Variants in ATG4B observed in about 807,000 individuals in gnomAD.
The protein encoded by ATG4B is autophagy related 4B cysteine peptidase.
ATG4B carries 29 observed loss-of-function variants against 56.6 expected under a neutral mutation model. That is an observed-to-expected ratio of 0.51 (90% confidence interval 0.38 to 0.70). The LOEUF (loss-of-function observed/expected upper bound fraction) is 0.70. ATG4B is among the 30% of genes least tolerant of loss of function. The pLI is 0.00. For missense variants in ATG4B, 461 were observed against 515.5 expected, an observed-to-expected ratio of 0.89 and a Z score of 1.02; for synonymous variants, 224 against 206.1, an observed-to-expected ratio of 1.09 and a Z score of -0.74.
chr2:241,653,323 T>C (rs910320176), intron 3 of ATG4B, 189 bp from the exon 4 acceptor site: 4 of 1,549,082 alleles, frequency 2.6e-6, no homozygotes, highest in Non-Finnish European at 3.5e-6. Flanking sequence ...GTCGGGACAT[T>C]TCACTCTCCA....
intron 1 of ATG4B, among the ~76,000 whole-genome samples, chr2:241,640,650 C>T (rs1340782412): frequency 6.6e-6 from 1 of 152,108 alleles, no homozygotes. Context: ...GTGATTTGGG[C>T]CAAGGATGAG....
At chr2:241,656,328 TC>T (rs1179681555) in intron 6 of ATG4B, among the ~76,000 whole-genome samples, 1 of 152,006 alleles carries the variant, frequency 6.6e-6, no homozygotes, top group East Asian at 1.9e-4. Context: ...CCGTCCCACA[TC>T]CCCAGCCTGC....
Position 241,651,233 on chromosome 2 carries a change from G to A in ATG4B, c.113-31G>A. 16 of 1,574,016 alleles carry A rather than the reference G, an allele frequency of 1.0e-5. No homozygotes were observed. Among genetic ancestry groups the A allele is most frequent in the African/African-American group, 1.4e-5 (1 of 74,046 alleles). ...CTTGCAAACTTAAGGCGTTGTGTGT[G>A]TGTGTTTTTTTTCTTTTAAACAACC... is the stretch of plus-strand genomic sequence containing the variant. On this transcript the variant is annotated intron_variant, in intron 2 of 12. Transcript: ENST00000404914. This position sits in a 1 kb window ranked among gnomAD's most constrained non-coding sequence, Gnocchi z 4.1.
intron 1 of ATG4B, among the ~76,000 whole-genome samples, chr2:241,640,900 A>G (rs1158256090): frequency 6.6e-6 from 1 of 152,218 alleles, no homozygotes; most frequent in Non-Finnish European, 1.5e-5. Flanking sequence ...ACAGGATGGC[A>G]GCTCATAGTG....
At chr2:241,670,269 A>C (rs998234555) in intron 10 of ATG4B, among the ~76,000 whole-genome samples, 7 of 150,954 alleles carry the variant, frequency 4.6e-5, no homozygotes, top group Non-Finnish European at 1.0e-4. Flanking sequence ...CTGGCTCCTC[A>C]GCAGGAGGCT....
intron 4 of ATG4B, 120 bp from the exon 5 acceptor site, chr2:241,654,418 TTAAAAAAA>T: frequency 1.6e-6 from 1 of 619,944 alleles, no homozygotes; most frequent in East Asian, 3.1e-5. Context: ...GAGACTCTGT[TTAAAAAAA>T]AAAAAAAAAA....
At chr2:241,665,641 G>A (rs959459172) in intron 7 of ATG4B, among the ~76,000 whole-genome samples, 5 of 152,316 alleles carry the variant, frequency 3.3e-5, no homozygotes, top group Non-Finnish European at 5.9e-5. Context: ...TCTCCCATCC[G>A]GGGCCTGCAG....
chr2:241,668,534 TC>T lies in ATG4B; in HGVS notation c.812-3del. 6.2e-7 allele frequency: 1 copy of T among 1,607,374 alleles called. No homozygotes were observed. Among genetic ancestry groups the T allele is most frequent in the Non-Finnish European group, 8.5e-7 (1 of 1,178,964 alleles). On this transcript the variant is annotated splice_region_variant and splice_polypyrimidine_tract_variant and intron_variant, in intron 9 of 12. Transcript: ENST00000404914. The surrounding 1 kb of genome is among the most constrained non-coding windows in gnomAD (Gnocchi z 4.2). ...ACCCACCTGCCCACCTGCCTCATCC[TC>T]CCAGGTGAGGAGCTCATCTACCTGG...
chr2:241,648,608 A>G (rs199870083), intron 1 of ATG4B, among the ~76,000 whole-genome samples: 2 of 132,054 alleles, frequency 1.5e-5, no homozygotes, highest in South Asian at 2.6e-4. Context: ...AAAAAAAAAG[A>G]AAAAAAAACA....
intron 7 of ATG4B, among the ~76,000 whole-genome samples, chr2:241,662,719 A>T (rs1419486764): frequency 1.3e-5 from 2 of 152,280 alleles, no homozygotes; most frequent in Admixed American, 1.3e-4. Context: ...CTATCAAAAC[A>T]TAACTTCAAA....
intron 8 of ATG4B, among the ~76,000 whole-genome samples, chr2:241,667,546 G>C (rs750902800): frequency 6.6e-6 from 1 of 151,266 alleles, no homozygotes; most frequent in African/African-American, 2.4e-5. Flanking sequence ...GGAGCTTGCA[G>C]TGACCCGAGA....
chr2:241,663,896 G>A (rs2068670790), intron 7 of ATG4B, among the ~76,000 whole-genome samples: 2 of 150,444 alleles, frequency 1.3e-5, no homozygotes, highest in African/African-American at 2.4e-5. Flanking sequence ...TGCAATTTCC[G>A]CTGCCCAGGT....
At chr2:241,646,943 C>T (rs1444005664) in intron 1 of ATG4B, among the ~76,000 whole-genome samples, 2 of 151,922 alleles carry the variant, frequency 1.3e-5, no homozygotes, top group South Asian at 2.1e-4. Flanking sequence ...CCACCATGCC[C>T]GAGTAACTTT....
At position 241,654,575 on chromosome 2, in the gene ATG4B, C is replaced by T; in HGVS notation, c.313C>T (p.Pro105Ser). The T allele has an allele frequency of 1.9e-6, 3 of 1,600,546 alleles. No individual in the cohort carries two copies. The highest frequency in any genetic ancestry group is 1.7e-6 in the Non-Finnish European group (2 of 1,173,542). The change falls in exon 5 of 13, where the codon CCA (proline) becomes TCA (serine). Residue 105 changes from proline to serine, a missense_variant. Pro to Ser is a moderately conservative substitution (Grantham distance 74). Transcript: ENST00000404914. ...GAGGTGGACACAAAGGAAGAGGCAG[C>T]CAGACAGCTACTTCAGCGTCCTCAA... ...DWRWTQRKRQ[P>S]DSYFSVLNAF... is the part of the protein sequence containing the mutation.
At chr2:241,661,301 C>A (rs1284306240) in intron 7 of ATG4B, among the ~76,000 whole-genome samples, 1 of 152,210 alleles carries the variant, frequency 6.6e-6, no homozygotes, top group Non-Finnish European at 1.5e-5. Context: ...CACATCCAGC[C>A]AGCAAAGGCA....
At chr2:241,644,218 C>T (rs1487499115) in intron 1 of ATG4B, among the ~76,000 whole-genome samples, 1 of 152,056 alleles carries the variant, frequency 6.6e-6, no homozygotes, top group African/African-American at 2.4e-5. Context: ...CGGTGCATGC[C>T]TGTAGTCCCA....
At chr2:241,656,836 C>T (rs749778048) in intron 6 of ATG4B, among the ~76,000 whole-genome samples, 25 of 152,242 alleles carry the variant, frequency 1.6e-4, no homozygotes, top group Admixed American at 9.2e-4. Flanking sequence ...CTTTTTGAGA[C>T]GGAGTCTCGC....
chr2:241,670,666 C>T, intron 10 of ATG4B, 60 bp from the exon 11 acceptor site: 1 of 1,480,900 alleles, frequency 6.8e-7, no homozygotes, highest in Non-Finnish European at 9.3e-7. Context: ...TGGAAGCCCC[C>T]ACCTCTTAGC....
intron 12 of ATG4B, 62 bp from the exon 13 acceptor site, chr2:241,672,129 C>G: frequency 6.5e-7 from 1 of 1,547,670 alleles, no homozygotes; most frequent in Non-Finnish European, 8.7e-7. Context: ...GCCAAGGGCC[C>G]TTGACTCACA....
Sources: allele counts gnomAD v4.1 joint callset (sites outside exome capture counted in the v4.1 genomes callset), GRCh38; gene constraint gnomAD v4.1.1; non-coding constraint Gnocchi (gnomAD v3.1); transcripts MANE v1.5; gene names NCBI Gene and HGNC (gene_info 2026-07-23, HGNC 2026-07-21).